Variants in PTPRD observed in about 807,000 individuals in gnomAD.
The protein encoded by PTPRD is protein tyrosine phosphatase receptor type D.
PTPRD carries 34 observed loss-of-function variants against 214.5 expected under a neutral mutation model. The observed-to-expected ratio is 0.16, with a 90% CI of 0.12 to 0.21. The LOEUF is 0.21. Among genes scored for constraint, PTPRD ranks in the 10% least tolerant of loss-of-function variants. PTPRD has a pLI of 1.00. For synonymous variants in PTPRD, 1,128 were observed against 845.7 expected, an observed-to-expected ratio of 1.33 and a Z score of -5.79; for missense variants, 2,545 against 2,398.7, an observed-to-expected ratio of 1.06 and a Z score of -1.27.
intron 4 of PTPRD, among the ~76,000 whole-genome samples, chr9:9,947,718 TA>T (rs1400597906): frequency 7.3e-6 from 1 of 137,326 alleles, no homozygotes; most frequent in Admixed American, 8.6e-5. Context: ...TTCTAAGGAC[TA>T]AAATACTTGA....
At chr9:9,026,021 T>C (rs2099585811) in intron 10 of PTPRD, among the ~76,000 whole-genome samples, 1 of 151,856 alleles carries the variant, frequency 6.6e-6, no homozygotes, top group African/African-American at 2.4e-5. Flanking sequence ...GACAGTTGGA[T>C]GGATGGATAA....
At chr9:9,545,751 T>C (rs773179556) in intron 8 of PTPRD, among the ~76,000 whole-genome samples, 1 of 151,798 alleles carries the variant, frequency 6.6e-6, no homozygotes, top group Non-Finnish European at 1.5e-5. Context: ...ATGTCAGTCC[T>C]CCAACTTTGT....
intron 3 of PTPRD, among the ~76,000 whole-genome samples, chr9:10,056,241 A>C (rs773650437): frequency 4.6e-5 from 7 of 151,904 alleles, no homozygotes; most frequent in Non-Finnish European, 1.0e-4. Flanking sequence ...TAATTGCTTA[A>C]ACCTGGGAGG....
At chr9:8,881,027 A>G (rs991090787) in intron 11 of PTPRD, among the ~76,000 whole-genome samples, 1 of 152,206 alleles carries the variant, frequency 6.6e-6, no homozygotes, top group African/African-American at 2.4e-5. Context: ...TCGGCCTCCC[A>G]AAGTGCTAGA....
intron 11 of PTPRD, among the ~76,000 whole-genome samples, chr9:8,940,469 T>A (rs1380126837): frequency 6.9e-6 from 1 of 145,176 alleles, no homozygotes; most frequent in African/African-American, 2.5e-5. Context: ...TTTTTGGTAT[T>A]TTTAATAGAG....
chr9:9,945,747 A>T (rs1366430869), intron 4 of PTPRD, among the ~76,000 whole-genome samples: 1 of 152,112 alleles, frequency 6.6e-6, no homozygotes, highest in African/African-American at 2.4e-5. Flanking sequence ...CACTTCTGAA[A>T]GTCAACCAGA....
At position 8,931,570 on chromosome 9, in the gene PTPRD, G is replaced by A. The variant is rs182990149; in HGVS notation, c.-104+87127C>T. Among the ~76,000 whole-genome samples, 1,027 of 152,186 alleles carry A rather than the reference G, an allele frequency of 6.7e-3. 3 individuals carry two copies. Among genetic ancestry groups the A allele is most frequent in the Non-Finnish European group, 0.011 (736 of 68,000 alleles). On this transcript the variant is annotated intron_variant, in intron 11 of 45. Transcript: ENST00000381196. ...CCTTGGGCAGTATGGCCCTTTTCAC[G>A]ATATTGATTCTTCCTATCCATGAGC...
intron 11 of PTPRD, among the ~76,000 whole-genome samples, chr9:8,839,653 A>G (rs1472970675): frequency 1.3e-5 from 2 of 152,170 alleles, no homozygotes; most frequent in African/African-American, 2.4e-5. Context: ...CATTACTGGT[A>G]GCATTATGAG....
At chr9:9,925,127 T>C (rs1209371458) in intron 5 of PTPRD, among the ~76,000 whole-genome samples, 1 of 152,172 alleles carries the variant, frequency 6.6e-6, no homozygotes, top group Non-Finnish European at 1.5e-5. Context: ...TAGTAGGTTG[T>C]AGCAGTACAA....
At chr9:10,528,145 T>C (rs1412198311) in intron 2 of PTPRD, among the ~76,000 whole-genome samples, 1 of 152,112 alleles carries the variant, frequency 6.6e-6, no homozygotes, top group Non-Finnish European at 1.5e-5. Context: ...CAGTGAATCC[T>C]GCTCTAAATT....
chr9:8,774,653 G>A lies in PTPRD; in HGVS notation c.-103-40707C>T, dbSNP rs925538744. The stretch of plus-strand genomic sequence containing the variant: ...GGGTTCAAGTGATTCTCCTGCCTCA[G>A]CCTCCCGAGTAGCTGGGATTACAGG... On this transcript the variant is annotated intron_variant, in intron 11 of 45. Coordinates refer to ENST00000381196, the MANE Select transcript of PTPRD (RefSeq NM_002839.4). 6.1e-5 allele frequency among the ~76,000 whole-genome samples: 9 copies of A among 147,820 alleles called. No homozygotes were observed. The East Asian group carries it at 1.8e-3, about 29-fold the overall frequency.
At chr9:9,261,018 C>T (rs547306802) in intron 9 of PTPRD, among the ~76,000 whole-genome samples, 47 of 151,902 alleles carry the variant, frequency 3.1e-4, no homozygotes, top group African/African-American at 1.1e-3. Context: ...GGTACTGAAA[C>T]TTATGTTTGC....
At chr9:10,362,299 G>A (rs1344170326) in intron 2 of PTPRD, among the ~76,000 whole-genome samples, 1 of 151,290 alleles carries the variant, frequency 6.6e-6, no homozygotes, top group Admixed American at 6.6e-5. Context: ...GTGTATTTCG[G>A]CCCCATTGAT....
intron 11 of PTPRD, among the ~76,000 whole-genome samples, chr9:8,757,655 CATATATATAT>C (rs987282214): frequency 7.2e-6 from 1 of 138,202 alleles, no homozygotes; most frequent in African/African-American, 3.0e-5. Context: ...TACATATATA[CATATATATAT>C]ACATACATAT....
chr9:8,702,321 C>T (rs1051618248), intron 12 of PTPRD, among the ~76,000 whole-genome samples: 3 of 150,490 alleles, frequency 2.0e-5, no homozygotes, highest in Non-Finnish European at 4.4e-5. Context: ...AAGTACTGTG[C>T]TTATTTGGTG....
intron 9 of PTPRD, among the ~76,000 whole-genome samples, chr9:9,188,065 C>A (rs1179828253): frequency 6.6e-6 from 1 of 152,060 alleles, no homozygotes; most frequent in East Asian, 1.9e-4. Flanking sequence ...CTCAAACTCA[C>A]TTTTTCCTCC....
intron 7 of PTPRD, among the ~76,000 whole-genome samples, chr9:9,730,238 A>G (rs1173223798): frequency 6.6e-6 from 1 of 152,166 alleles, no homozygotes; most frequent in Non-Finnish European, 1.5e-5. Context: ...TGCTAAGCAC[A>G]TGAATTTAAT....
chr9:8,648,326 C>G (rs1225789565), intron 12 of PTPRD, among the ~76,000 whole-genome samples: 1 of 152,186 alleles, frequency 6.6e-6, no homozygotes. Context: ...GGCAATAAAA[C>G]TTCCTGAACT....
chr9:9,761,984 T>A lies in PTPRD; in HGVS notation c.-326+4826A>T, dbSNP rs1232332813. On this transcript the variant is annotated intron_variant, in intron 6 of 45. Transcript: ENST00000381196. Reference sequence around the variant, plus strand: ...TACCAAAGACTGAATGACTTAAACATAAATTTATTTTCTAATTCTGGAGGA... The same window carrying A: ...TACCAAAGACTGAATGACTTAAACAAAAATTTATTTTCTAATTCTGGAGGA... 2.0e-5 allele frequency among the ~76,000 whole-genome samples: 3 copies of A among 152,312 alleles called. No homozygotes were observed. The East Asian group carries it at 5.8e-4, about 29-fold the overall frequency.
Sources: allele counts gnomAD v4.1 joint callset (sites outside exome capture counted in the v4.1 genomes callset), GRCh38; gene constraint gnomAD v4.1.1; transcripts MANE v1.5; gene names NCBI Gene and HGNC (gene_info 2026-07-23, HGNC 2026-07-21).